Variants in RNF213 observed in about 807,000 individuals in gnomAD.
RNF213 encodes E3 ubiquitin-protein ligase RNF213.
RNF213 carries 341 observed loss-of-function variants against 514.4 expected under a neutral mutation model. That is an observed-to-expected ratio of 0.66 (90% confidence interval 0.61 to 0.73). The LOEUF is 0.73. Among genes scored for constraint, RNF213 ranks in the 30% least tolerant of loss-of-function variants. The pLI is 0.00. For synonymous variants in RNF213, 2,655 were observed against 2,658.2 expected (o/e 1.00, Z 0.04); for missense variants, 5,767 against 6,615.6 (o/e 0.87, Z 4.45).
At chr17:80,363,855 G>A (rs1348879937) in intron 41 of RNF213, 65 bp downstream of exon 41, 2 of 1,494,498 alleles carry the variant, frequency 1.3e-6, no homozygotes, top group Admixed American at 1.8e-5. Flanking sequence ...CCTGCCAAGT[G>A]CCAGGCATGT....
chr17:80,318,613 G>A (rs924660109), intron 16 of RNF213, among the ~76,000 whole-genome samples: 15 of 151,542 alleles, frequency 9.9e-5, no homozygotes, highest in Admixed American at 7.2e-4. Context: ...TCGCTCTATC[G>A]CCCAGGCTGG....
intron 14 of RNF213, among the ~76,000 whole-genome samples, chr17:80,310,193 C>T (rs1287328796): frequency 6.6e-6 from 1 of 152,170 alleles, no homozygotes; most frequent in Non-Finnish European, 1.5e-5. Flanking sequence ...GCAGTTTTCA[C>T]CCACTTGAGT....
At chr17:80,319,886 C>T in intron 17 of RNF213, 1 of 1,099,798 alleles carries the variant, frequency 9.1e-7, no homozygotes, top group Non-Finnish European at 1.1e-6. Flanking sequence ...AACCCCTGTA[C>T]AAGCACAGCC....
Position 80,345,169 on chromosome 17 carries a change from G to A in RNF213, c.6834G>A (p.Met2278Ile), listed in dbSNP as rs745889964. 3.1e-6 allele frequency: 5 copies of A among 1,614,120 alleles called. No individual in the cohort carries two copies. In the South Asian group the frequency reaches 4.4e-5, roughly 14 times the overall value. ...CTGACCAAAGCCCGGGGAAGCACATGGTCACCATGGATGGGGTTAGGGAAG... is the reference window on the plus strand; with the variant it reads ...CTGACCAAAGCCCGGGGAAGCACATAGTCACCATGGATGGGGTTAGGGAAG... ...HTSDQSPGKH[M>I]VTMDGVREED... The change falls in exon 29 of 68, where the codon ATG becomes ATA. Residue 2278 changes from methionine to isoleucine, a missense_variant. Met to Ile is a conservative substitution (Grantham distance 10, BLOSUM62 1). Coordinates refer to ENST00000582970, the MANE Select transcript of RNF213 (RefSeq NM_001256071.3). The surrounding 1 kb of genome is among the most constrained non-coding windows in gnomAD (Gnocchi z 6.0).
In RNF213 at chr17:80,348,036, T is replaced by C; in HGVS notation, c.9701T>C (p.Ile3234Thr). 1 of 1,614,178 alleles carries C rather than the reference T, an allele frequency of 6.2e-7. No individual in the cohort carries two copies. Among genetic ancestry groups the C allele is most frequent in the Non-Finnish European group, 8.5e-7 (1 of 1,180,038 alleles). The change falls in exon 29 of 68, where the codon ATA (isoleucine) becomes ACA (threonine). Residue 3234 changes from isoleucine to threonine, a missense_variant. By Grantham distance (89) the Ile-to-Thr change is moderately conservative. Coordinates refer to ENST00000582970, the MANE Select transcript of RNF213 (RefSeq NM_001256071.3). ...TGCGCGTCTGTGGTGCTGCAGGTCA[T>C]AGAGAGGCAGGGTCCCCGGGCCTTG... Reference protein sequence around the residue: ...DACASVVLQVIERQGPRALTE... With the variant: ...DACASVVLQVTERQGPRALTE...
Position 80,300,016 on chromosome 17 carries a change from A to G in RNF213, c.2210+1498A>G, listed in dbSNP as rs189758808. Among the ~76,000 whole-genome samples the G allele has an allele frequency of 2.2e-4, 34 of 152,314 alleles. 2 individuals are homozygous for G. The highest frequency in any genetic ancestry group is 1.5e-3 in the East Asian group (8 of 5,190). On this transcript the variant is annotated intron_variant, in intron 11 of 67. Transcript: ENST00000582970. ...CTTTGCTATTGTGAATTGTGCTTCA[A>G]TGAACATACATGGGCATGTTTCTTT...
In RNF213 at chr17:80,368,117, C is replaced by T; in HGVS notation, c.12129C>T (p.Phe4043=). 6.2e-7 allele frequency: 1 copy of T among 1,614,272 alleles called. No individual in the cohort carries two copies. The highest frequency in any genetic ancestry group is 8.5e-7 in the Non-Finnish European group (1 of 1,180,042). Residue 4043 remains phenylalanine, a synonymous_variant, in exon 44 of 68, where the codon TTC becomes TTT. Coordinates refer to ENST00000582970, the MANE Select transcript of RNF213 (RefSeq NM_001256071.3). ...PYCLTALPDE[F]SPAVSQAHRE... ...GTTTAACTGCCTTGCCAGACGAATTCTCTCCAGCTGTTTCCCAAGCGCACA... is the reference window on the plus strand; with the variant it reads ...GTTTAACTGCCTTGCCAGACGAATTTTCTCCAGCTGTTTCCCAAGCGCACA...
chr17:80,329,675 A>C (rs144899673), intron 20 of RNF213, among the ~76,000 whole-genome samples: 2 of 152,154 alleles, frequency 1.3e-5, no homozygotes, highest in East Asian at 3.9e-4. Context: ...AAAAAAATAC[A>C]AAAAAATTAG....
chr17:80,357,179 C>T (rs888192679), intron 36 of RNF213, among the ~76,000 whole-genome samples: 3 of 152,132 alleles, frequency 2.0e-5, no homozygotes, highest in Non-Finnish European at 2.9e-5. Flanking sequence ...AGCCTCCCAA[C>T]GTGCTGGGAT....
intron 55 of RNF213, chr17:80,379,944 A>G: frequency 1.8e-6 from 1 of 564,940 alleles, no homozygotes; most frequent in Non-Finnish European, 3.2e-6. Flanking sequence ...ACCCTTTAAC[A>G]GCTGTTAATA....
rs1232336102 is a variant in RNF213 at position 80,295,600 on chromosome 17, C to G, written c.1799C>G (p.Pro600Arg). 6.2e-7 allele frequency: 1 copy of G among 1,614,122 alleles called. No homozygotes were observed. Residue 600 changes from proline (P) to arginine (R), a missense_variant, in exon 10 of 68, where the codon CCA (proline) becomes CGA (arginine). Around this residue, in one of 13 missense-constraint regions of RNF213, gnomAD observed 592 missense variants for 673.9 expected, o/e 0.88. Transcript: ENST00000582970. ...CAACATCTGAAAAAACACGTGGTACCATTGCCGGACGGAAAAAGCACGGAC... is the reference window on the plus strand; with the variant it reads ...CAACATCTGAAAAAACACGTGGTACGATTGCCGGACGGAAAAAGCACGGAC... ...LWQHLKKHVVPLPDGKSTDFL... is the reference protein window; with the variant it reads ...LWQHLKKHVVRLPDGKSTDFL...
Position 80,336,416 on chromosome 17 carries a change from A to T in RNF213, c.4527+38A>T. On this transcript the variant is annotated intron_variant, in intron 23 of 67. Coordinates refer to ENST00000582970, the MANE Select transcript of RNF213 (RefSeq NM_001256071.3). ...CTGTCTCTAATGCAGATTTTGTTGA[A>T]TAGAGCATTGCTTAGCAACGTTAGG... 2.6e-6 allele frequency: 4 copies of T among 1,516,696 alleles called. No individual in the cohort carries two copies. In the African/African-American group the frequency reaches 4.1e-5, roughly 16 times the overall value. 94.0% of individuals were successfully genotyped at this position (1,516,696 alleles called of 1,614,324 possible). A position where few individuals can be genotyped will look rare whatever the true frequency, so the allele number is the denominator to read the frequency against.
intron 17 of RNF213, chr17:80,319,700 T>C: frequency 7.0e-7 from 1 of 1,429,618 alleles, no homozygotes; most frequent in Non-Finnish European, 9.1e-7. Context: ...TGACAGAACA[T>C]TTATGGAAGC....
intron 3 of RNF213, among the ~76,000 whole-genome samples, chr17:80,284,958 G>A (rs922756658): frequency 2.6e-5 from 4 of 152,208 alleles, no homozygotes; most frequent in African/African-American, 7.2e-5. Flanking sequence ...ACCAGCCCAC[G>A]CACAAGAGCT....
At chr17:80,350,429 T>A in intron 31 of RNF213, 33 bp downstream of exon 31, 1 of 1,410,102 alleles carries the variant, frequency 7.1e-7, no homozygotes, top group Non-Finnish European at 1.0e-6. Flanking sequence ...AGAAACTATG[T>A]AAAAAACCCA....
In RNF213 at chr17:80,353,416, C is replaced by T. The variant is rs1334436313; in HGVS notation, c.10424-96C>T. 35 of 1,397,764 alleles carry T rather than the reference C, an allele frequency of 2.5e-5. No individual in the cohort carries two copies. The highest frequency in any genetic ancestry group is 3.2e-5 in the Non-Finnish European group (32 of 1,008,896). 86.6% of individuals were successfully genotyped at this position (1,397,764 alleles called of 1,614,324 possible). A position where few individuals can be genotyped will look rare whatever the true frequency, so the allele number is the denominator to read the frequency against. On this transcript the variant is annotated intron_variant, in intron 33 of 67. Coordinates refer to ENST00000582970, the MANE Select transcript of RNF213 (RefSeq NM_001256071.3). This position sits in a 1 kb window ranked among gnomAD's most constrained non-coding sequence, Gnocchi z 5.0. ...ACAGCAGGGGCCGGGGAAGCCTGCA[C>T]TCGGAGGCTGAGCACACAGACTCCC...
chr17:80,385,532 C>G lies in RNF213; in HGVS notation c.14456-6C>G. 2 of 1,613,772 alleles carry G rather than the reference C, an allele frequency of 1.2e-6. No individual in the cohort carries two copies. Among genetic ancestry groups the G allele is most frequent in the East Asian group, 2.2e-5 (1 of 44,888 alleles). ...TACGGTTCTTACCAAGTATTCTGTTCAACAGATGGGTTGAGGCAGCTGCTT... is the reference window on the plus strand; with the variant it reads ...TACGGTTCTTACCAAGTATTCTGTTGAACAGATGGGTTGAGGCAGCTGCTT... On this transcript the variant is annotated splice_region_variant and splice_polypyrimidine_tract_variant and intron_variant, in intron 60 of 67. Coordinates refer to ENST00000582970, the MANE Select transcript of RNF213 (RefSeq NM_001256071.3).
At chr17:80,291,909 G>A in intron 8 of RNF213, 82 bp downstream of exon 8, 2 of 1,486,156 alleles carry the variant, frequency 1.3e-6, no homozygotes, top group South Asian at 1.2e-5. Context: ...TCTCTCTGGA[G>A]AGCACAGACT....
chr17:80,374,189 G>A lies in RNF213; in HGVS notation c.12943-269G>A, dbSNP rs145120787. On this transcript the variant is annotated intron_variant, in intron 49 of 67. Transcript: ENST00000582970. Reference sequence around the variant, plus strand: ...AGCCACCCGGCCTCAGGTGTGGTGCGGTGCGCCGCAAACGGAGGAAGCAAG... The same window carrying A: ...AGCCACCCGGCCTCAGGTGTGGTGCAGTGCGCCGCAAACGGAGGAAGCAAG... Among the ~76,000 whole-genome samples the A allele has an allele frequency of 4.8e-3, 730 of 152,236 alleles. 5 individuals carry two copies. Among genetic ancestry groups the A allele is most frequent in the African/African-American group, 0.017 (707 of 41,528 alleles).
Sources: gnomAD v4.1 joint callset for allele counts (sites outside exome capture counted in the v4.1 genomes callset) on GRCh38, gnomAD v4.1.1 for gene constraint, gnomAD v4.1.1 regional missense constraint, Gnocchi (gnomAD v3.1) non-coding constraint, MANE v1.5 for transcripts, NCBI Gene and HGNC (gene_info 2026-07-23, HGNC 2026-07-21) for gene names.